Variants in MLLT3 observed in about 807,000 individuals in gnomAD.
MLLT3 encodes the protein protein AF-9.
Under a neutral mutation model 53.2 loss-of-function variants are expected in MLLT3, and 4 were observed. That is an observed-to-expected ratio of 0.08 (90% CI 0.04 to 0.17). MLLT3 has a LOEUF of 0.17. Ranked by LOEUF, MLLT3 falls within the 10% of genes least tolerant of loss-of-function variation. The pLI, the probability that MLLT3 is intolerant of heterozygous loss-of-function variation, is 1.00. For synonymous variants in MLLT3, 283 were observed against 230.6 expected, an observed-to-expected ratio of 1.23 and a Z score of -2.06; for missense variants, 569 against 684.0, an observed-to-expected ratio of 0.83 and a Z score of 1.87.
chr9:20,530,933 G>C (rs558511776), intron 2 of MLLT3, among the ~76,000 whole-genome samples: 16 of 151,242 alleles, frequency 1.1e-4, no homozygotes, highest in African/African-American at 3.9e-4. Flanking sequence ...GCCTGGCGCT[G>C]CTTGTACATT....
chr9:20,489,409 G>A (rs544331338), intron 2 of MLLT3, among the ~76,000 whole-genome samples: 79 of 152,238 alleles, frequency 5.2e-4, no homozygotes, highest in African/African-American at 1.9e-3. Context: ...TCTCTAATAT[G>A]TCTAACAAAA....
At chr9:20,491,051 G>C (rs1164671288) in intron 2 of MLLT3, among the ~76,000 whole-genome samples, 1 of 152,034 alleles carries the variant, frequency 6.6e-6, no homozygotes, top group African/African-American at 2.4e-5. Context: ...AAATGAAAAG[G>C]TTCTCTAAAT....
At chr9:20,421,647 C>T (rs1239087501) in intron 4 of MLLT3, among the ~76,000 whole-genome samples, 1 of 152,112 alleles carries the variant, frequency 6.6e-6, no homozygotes, top group Non-Finnish European at 1.5e-5. Flanking sequence ...CAAGTTAATT[C>T]TGACTTAAAG....
chr9:20,421,644 A>C (rs1161509625), intron 4 of MLLT3, among the ~76,000 whole-genome samples: 2 of 152,240 alleles, frequency 1.3e-5, no homozygotes, highest in Non-Finnish European at 2.9e-5. Context: ...TGCCAAGTTA[A>C]TTCTGACTTA....
chr9:20,536,784 T>C (rs1818498627), intron 2 of MLLT3, among the ~76,000 whole-genome samples: 1 of 151,688 alleles, frequency 6.6e-6, no homozygotes, highest in South Asian at 2.1e-4. Flanking sequence ...ACAAACTACC[T>C]AGCCAAGACT....
At chr9:20,354,714 G>T (rs1821119922) in intron 9 of MLLT3, 94 bp downstream of exon 9, 3 of 828,302 alleles carry the variant, frequency 3.6e-6, no homozygotes, top group Non-Finnish European at 4.1e-6. Flanking sequence ...TGAAGAAAAT[G>T]AAAGGAGAAC....
intron 2 of MLLT3, among the ~76,000 whole-genome samples, chr9:20,619,641 T>A (rs918272346): frequency 1.7e-4 from 26 of 152,236 alleles, no homozygotes; most frequent in African/African-American, 6.3e-4. Flanking sequence ...CACCTTATTG[T>A]ATTTGTACTG....
At position 20,622,231 on chromosome 9, in the gene MLLT3, T is replaced by C; in HGVS notation, c.12+14A>G. The C allele has an allele frequency of 6.2e-7, 1 of 1,603,016 alleles. No individual in the cohort carries two copies. The highest frequency in any genetic ancestry group is 1.1e-5 in the South Asian group (1 of 89,822). Reference sequence around the variant, plus strand: ...TGGGGGAGGGCTTTTATTATTATTTTTGCGCGTACTTACCGAGCTAGCCAT... The same window carrying C: ...TGGGGGAGGGCTTTTATTATTATTTCTGCGCGTACTTACCGAGCTAGCCAT... On this transcript the variant is annotated intron_variant, in intron 1 of 10. Coordinates refer to ENST00000380338, the MANE Select transcript of MLLT3 (RefSeq NM_004529.4).
In MLLT3 at chr9:20,620,669, G is replaced by A. The variant is rs767415332; in HGVS notation, c.178C>T (p.Pro60Ser). Residue 60 changes from proline to serine, a missense_variant, in exon 2 of 11, where the codon CCT becomes TCT. Physicochemically the swap from Pro to Ser is moderately conservative, Grantham distance 74 (BLOSUM62 -1). Coordinates refer to ENST00000380338, the MANE Select transcript of MLLT3 (RefSeq NM_004529.4). This position sits in a 1 kb window ranked among gnomAD's most constrained non-coding sequence, Gnocchi z 6.1. The part of the protein sequence containing the change: ...KVVFHLHESF[P>S]RPKRVCKDPP... ...CGAGCCCTACCTCTTTTTGGCCTAG[G>A]AAAGCTTTCGTGCAAGTGGAAGACG... 1 of 1,612,410 alleles carries A rather than the reference G, an allele frequency of 6.2e-7. No individual in the cohort carries two copies. Among genetic ancestry groups the A allele is most frequent in the African/African-American group, 1.3e-5 (1 of 74,858 alleles).
chr9:20,400,946 T>A (rs891663528), intron 5 of MLLT3, among the ~76,000 whole-genome samples: 1 of 152,082 alleles, frequency 6.6e-6, no homozygotes, highest in Non-Finnish European at 1.5e-5. Flanking sequence ...GAGAAGAACC[T>A]GAGAAAGGAA....
At chr9:20,430,175 T>C (rs1461729162) in intron 4 of MLLT3, among the ~76,000 whole-genome samples, 1 of 152,124 alleles carries the variant, frequency 6.6e-6, no homozygotes, top group African/African-American at 2.4e-5. Flanking sequence ...ACTACACAGA[T>C]ACTTTAAAGA....
chr9:20,465,342 G>C (rs1265707633), intron 2 of MLLT3, among the ~76,000 whole-genome samples: 1 of 152,018 alleles, frequency 6.6e-6, no homozygotes, highest in Non-Finnish European at 1.5e-5. Flanking sequence ...AAATAGATGG[G>C]TGTTGTTCTT....
chr9:20,557,432 G>A (rs975172223), intron 2 of MLLT3, among the ~76,000 whole-genome samples: 2 of 152,134 alleles, frequency 1.3e-5, no homozygotes, highest in Non-Finnish European at 2.9e-5. Flanking sequence ...TAAACTGAAT[G>A]AATTAATATA....
chr9:20,483,525 G>T (rs1373514808), intron 2 of MLLT3, among the ~76,000 whole-genome samples: 1 of 151,680 alleles, frequency 6.6e-6, no homozygotes, highest in Non-Finnish European at 1.5e-5. Context: ...GAGCCACTGT[G>T]CCTGGCCAAT....
At chr9:20,464,243 G>A (rs937020697) in intron 2 of MLLT3, among the ~76,000 whole-genome samples, 15 of 151,592 alleles carry the variant, frequency 9.9e-5, no homozygotes, top group South Asian at 2.1e-4. Flanking sequence ...TAATATTAAC[G>A]CATTTCTTCT....
At chr9:20,485,705 T>A (rs540942437) in intron 2 of MLLT3, among the ~76,000 whole-genome samples, 12 of 151,402 alleles carry the variant, frequency 7.9e-5, no homozygotes, top group Non-Finnish European at 1.5e-4. Flanking sequence ...TTTAAATCAC[T>A]CAATTTTAAT....
chr9:20,583,817 G>C (rs1819871635), intron 2 of MLLT3, among the ~76,000 whole-genome samples: 1 of 152,104 alleles, frequency 6.6e-6, no homozygotes, highest in African/African-American at 2.4e-5. Flanking sequence ...TGGGACTCTG[G>C]GCATGTGATG....
chr9:20,510,844 A>G (rs1339520470), intron 2 of MLLT3, among the ~76,000 whole-genome samples: 1 of 152,184 alleles, frequency 6.6e-6, no homozygotes, highest in Non-Finnish European at 1.5e-5. Flanking sequence ...CAACTGAACT[A>G]AAGCACCAGC....
intron 4 of MLLT3, among the ~76,000 whole-genome samples, chr9:20,431,575 G>A (rs1823269454): frequency 6.6e-6 from 1 of 152,108 alleles, no homozygotes; most frequent in African/African-American, 2.4e-5. Context: ...ATTTATTTAT[G>A]TATATGGGTA....
Sources: gnomAD v4.1 joint callset for allele counts (sites outside exome capture counted in the v4.1 genomes callset) on GRCh38, gnomAD v4.1.1 for gene constraint, Gnocchi (gnomAD v3.1) non-coding constraint, MANE v1.5 for transcripts, NCBI Gene and HGNC (gene_info 2026-07-23, HGNC 2026-07-21) for gene names.